HMCN1: variants seen among roughly 807,000 people sequenced by gnomAD.
The protein encoded by HMCN1 is hemicentin 1, also known as hemicentin-1.
In HMCN1, 321 loss-of-function variants were observed where a neutral mutation model predicts 625.9. The ratio of observed to expected loss-of-function variants is 0.51; its 90% CI spans 0.47 to 0.56. The LOEUF is 0.56. HMCN1 is among the 20% of genes least tolerant of loss of function. The probability of loss-of-function intolerance (pLI) is 0.00; values close to 1 mark genes in which losing one functional copy is unlikely to be tolerated. For synonymous variants in HMCN1, 2,425 were observed against 2,417.6 expected (o/e 1.00, Z -0.09); for missense variants, 6,588 against 6,887.3 (o/e 0.96, Z 1.54).
At chr1:186,179,848 G>A (rs1334485035) in intron 104 of HMCN1, among the ~76,000 whole-genome samples, 1 of 151,908 alleles carries the variant, frequency 6.6e-6, no homozygotes, top group Non-Finnish European at 1.5e-5. Context: ...TCAACCTTAG[G>A]TGGATTCATC....
At chr1:186,056,983 T>A (rs144429789) in intron 45 of HMCN1, among the ~76,000 whole-genome samples, 156 of 151,400 alleles carry the variant, frequency 1.0e-3, no homozygotes, top group African/African-American at 3.5e-3. Context: ...ATGAAAATAA[T>A]TTACTGCTAA....
chr1:186,009,105 A>T (rs548370060), intron 30 of HMCN1, among the ~76,000 whole-genome samples: 1 of 152,296 alleles, frequency 6.6e-6, no homozygotes. Context: ...TTGGCTTCCC[A>T]CCAGAGCCAG....
chr1:185,884,497 G>A lies in HMCN1; in HGVS notation c.621+18634G>A, dbSNP rs565266515. 1.3e-5 allele frequency among the ~76,000 whole-genome samples: 2 copies of A among 152,018 alleles called. 1 individual carries two copies. Among genetic ancestry groups the A allele is most frequent in the East Asian group, 3.9e-4 (2 of 5,186 alleles). Reference sequence around the variant, plus strand: ...CAATTATATTTCCAGGCTGGAAATTGCCTCCAGCTAGAAATCCTGAACTCA... The same window carrying A: ...CAATTATATTTCCAGGCTGGAAATTACCTCCAGCTAGAAATCCTGAACTCA... On this transcript the variant is annotated intron_variant, in intron 4 of 106. Transcript: ENST00000271588.
chr1:185,976,167 C>T (rs2101985719), intron 15 of HMCN1, among the ~76,000 whole-genome samples: 1 of 152,240 alleles, frequency 6.6e-6, no homozygotes, highest in Non-Finnish European at 1.5e-5. Flanking sequence ...ATGCTCATCT[C>T]AACTGGTAAG....
At chr1:185,770,857 T>C (rs1656193923) in intron 1 of HMCN1, among the ~76,000 whole-genome samples, 1 of 152,158 alleles carries the variant, frequency 6.6e-6, no homozygotes, top group South Asian at 2.1e-4. Flanking sequence ...AAGGCAGTGT[T>C]TGTGGTCACC....
intron 103 of HMCN1, 135 bp downstream of exon 103, chr1:186,174,777 T>C: frequency 1.3e-6 from 1 of 788,912 alleles, no homozygotes; most frequent in Middle Eastern, 3.1e-4. Context: ...TTGATTTACG[T>C]CATTCAACAC....
chr1:185,971,667 A>G (rs532578093), intron 15 of HMCN1, among the ~76,000 whole-genome samples: 1 of 152,264 alleles, frequency 6.6e-6, no homozygotes, highest in Non-Finnish European at 1.5e-5. Flanking sequence ...TTTTAGTTCC[A>G]CTGTTTTAAG....
At chr1:185,795,167 G>C (rs185593491) in intron 1 of HMCN1, among the ~76,000 whole-genome samples, 5 of 152,276 alleles carry the variant, frequency 3.3e-5, no homozygotes, top group Middle Eastern at 6.8e-3. Context: ...AGGTGGAGTG[G>C]TCATAGTCGA....
At chr1:185,818,146 T>G (rs920195450) in intron 1 of HMCN1, among the ~76,000 whole-genome samples, 3 of 152,220 alleles carry the variant, frequency 2.0e-5, no homozygotes, top group Admixed American at 2.0e-4. Flanking sequence ...TCTTTATATT[T>G]TTTTCACTGC....
At chr1:186,124,607 ATTAT>A (rs1361267707) in intron 81 of HMCN1, among the ~76,000 whole-genome samples, 1 of 152,102 alleles carries the variant, frequency 6.6e-6, no homozygotes, top group Non-Finnish European at 1.5e-5. Flanking sequence ...TGTATCTATA[ATTAT>A]TTATATAATG....
chr1:186,000,346 G>C (rs917791527), intron 26 of HMCN1, 107 bp downstream of exon 26: 1 of 802,090 alleles, frequency 1.2e-6, no homozygotes, highest in South Asian at 1.5e-5. Context: ...GTGAATAGCA[G>C]TATTACCAAA....
Position 186,028,725 on chromosome 1 carries a change from AT to A in HMCN1, c.5749+5589del, listed in dbSNP as rs11415987. Reference sequence around the variant, plus strand: ...TTATGTTTTGACATTTCTAAAGCATATTTTTTTTTTTTTTTTTGAGACGGAG... The same window carrying A: ...TTATGTTTTGACATTTCTAAAGCATATTTTTTTTTTTTTTTTGAGACGGAG... On this transcript the variant is annotated intron_variant, in intron 36 of 106. Transcript: ENST00000271588. Among the ~76,000 whole-genome samples, 1,377 of 137,702 alleles carry A rather than the reference AT, an allele frequency of 1.0e-2. 17 individuals are homozygous for A. Among genetic ancestry groups the A allele is most frequent in the South Asian group, 0.039 (170 of 4,352 alleles). The allele number at this position is 137,702 out of a possible 152,430, so 90.3% of individuals were successfully genotyped here.
rs1031899382 is a variant in HMCN1, at chr1:186,061,302, A to G, written c.7313-549A>G. Reference sequence around the variant, plus strand: ...GCAGGCACCTTCTTCACAAGGCGGCAGAAGAGAGAGTATGTGAAGGAAGAC... The same window carrying G: ...GCAGGCACCTTCTTCACAAGGCGGCGGAAGAGAGAGTATGTGAAGGAAGAC... On this transcript the variant is annotated intron_variant, in intron 46 of 106. Coordinates refer to ENST00000271588, the MANE Select transcript of HMCN1 (RefSeq NM_031935.3). Among the ~76,000 whole-genome samples, 5 of 152,180 alleles carry G rather than the reference A, an allele frequency of 3.3e-5. No homozygotes were observed. In the South Asian group the frequency reaches 1.0e-3, roughly 31 times the overall value.
In HMCN1 at chr1:186,089,187, A is replaced by G. The variant is rs1201812314; in HGVS notation, c.9727+432A>G. ...TAAATTTTAATGAATGATGAATCTT[A>G]TACTATTTTAAGATGAGCAATTCAT... On this transcript the variant is annotated intron_variant, in intron 63 of 106. Coordinates refer to ENST00000271588, the MANE Select transcript of HMCN1 (RefSeq NM_031935.3). Among the ~76,000 whole-genome samples, 6 of 152,026 alleles carry G rather than the reference A, an allele frequency of 3.9e-5. No homozygotes were observed. The East Asian group carries it at 1.2e-3, about 29-fold the overall frequency.
At chr1:186,014,668 C>T (rs532030662) in intron 30 of HMCN1, among the ~76,000 whole-genome samples, 1 of 151,566 alleles carries the variant, frequency 6.6e-6, no homozygotes. Flanking sequence ...GTCCCCACCT[C>T]CCCCCCAAAA....
At chr1:186,012,375 G>A (rs925663094) in intron 30 of HMCN1, among the ~76,000 whole-genome samples, 5 of 151,528 alleles carry the variant, frequency 3.3e-5, no homozygotes, top group African/African-American at 1.2e-4. Flanking sequence ...GGCTCTAAGA[G>A]GCTAATCCTT....
chr1:185,964,956 A>G (rs1650298470), intron 13 of HMCN1, among the ~76,000 whole-genome samples: 1 of 152,110 alleles, frequency 6.6e-6, no homozygotes, highest in Admixed American at 6.6e-5. Flanking sequence ...TTAAAAAAAA[A>G]GCTATGCACC....
At chr1:185,973,831 A>G (rs1558108026) in intron 15 of HMCN1, among the ~76,000 whole-genome samples, 1 of 152,152 alleles carries the variant, frequency 6.6e-6, no homozygotes, top group African/African-American at 2.4e-5. Context: ...TTTTATTTGT[A>G]GCATTCCATA....
intron 79 of HMCN1, 50 bp from the exon 80 acceptor site, chr1:186,119,961 A>G (rs369499228): frequency 3.1e-5 from 50 of 1,613,806 alleles, no homozygotes; most frequent in Non-Finnish European, 4.2e-5. Flanking sequence ...ATTGTTTTTA[A>G]TGAACAGGCT....
Sources: gnomAD v4.1 joint callset for allele counts (sites outside exome capture counted in the v4.1 genomes callset) on GRCh38, gnomAD v4.1.1 for gene constraint, MANE v1.5 for transcripts, NCBI Gene and HGNC (gene_info 2026-07-23, HGNC 2026-07-21) for gene names.